Variants in HABP4 observed in about 807,000 individuals in gnomAD.
HABP4 encodes intracellular hyaluronan-binding protein 4.
Under a neutral mutation model 44.1 loss-of-function variants are expected in HABP4, and 32 were observed. The ratio of observed to expected loss-of-function variants is 0.73; its 90% CI spans 0.55 to 0.97. The LOEUF (loss-of-function observed/expected upper bound fraction) is 0.97. HABP4 is among the 50% of genes least tolerant of loss of function. The pLI is 0.00. For missense variants in HABP4, 503 were observed against 561.9 expected (o/e 0.90, Z 1.06); for synonymous variants, 216 against 218.0 (o/e 0.99, Z 0.08).
intron 5 of HABP4, among the ~76,000 whole-genome samples, chr9:96,477,826 A>G (rs1832806019): frequency 6.6e-6 from 1 of 152,182 alleles, no homozygotes; most frequent in Non-Finnish European, 1.5e-5. Context: ...CCATCGCCCC[A>G]CAAAGTTTCC....
chr9:96,458,496 C>T lies in HABP4; in HGVS notation c.467C>T (p.Thr156Ile), dbSNP rs1832440844. 1.2e-6 allele frequency: 2 copies of T among 1,613,212 alleles called. No individual in the cohort carries two copies. Among genetic ancestry groups the T allele is most frequent in the South Asian group, 2.2e-5 (2 of 91,066 alleles). Residue 156 changes from threonine to isoleucine, a missense_variant, in exon 2 of 8, where the codon ACA (threonine) becomes ATA (isoleucine). By Grantham distance (89) the Thr-to-Ile change is moderately conservative. Around this residue, in one of 3 missense-constraint regions of HABP4, gnomAD observed 290 missense variants for 300.5 expected, o/e 0.97. Transcript: ENST00000375249. ...TACAGGGAATACCGACCCTATGAGA[C>T]AGAGAGGCAGGCAGACTTCACAGCT... ...RSYREYRPYE[T>I]ERQADFTAEK...
chr9:96,474,228 CAGTT>C (rs1487660313), intron 5 of HABP4, among the ~76,000 whole-genome samples: 1 of 152,084 alleles, frequency 6.6e-6, no homozygotes, highest in Non-Finnish European at 1.5e-5. Flanking sequence ...ATAGGAGTAA[CAGTT>C]AATATGAATA....
At chr9:96,489,581 T>G (rs991705941) in intron 7 of HABP4, among the ~76,000 whole-genome samples, 4 of 152,220 alleles carry the variant, frequency 2.6e-5, no homozygotes, top group African/African-American at 9.6e-5. Flanking sequence ...CTGTGGCCCC[T>G]CCTTCCCAGG....
At chr9:96,455,501 C>T (rs1007023779) in intron 1 of HABP4, among the ~76,000 whole-genome samples, 15 of 146,290 alleles carry the variant, frequency 1.0e-4, no homozygotes, top group African/African-American at 3.8e-4. Context: ...CAGTGACTCA[C>T]ACCTGTAATC....
intron 4 of HABP4, among the ~76,000 whole-genome samples, chr9:96,468,384 C>A (rs538360138): frequency 1.3e-5 from 2 of 151,496 alleles, no homozygotes; most frequent in Non-Finnish European, 2.9e-5. Context: ...CAGCTTCCCC[C>A]GCAGCTGGGA....
intron 1 of HABP4, chr9:96,451,517 G>GT (rs2131106202): frequency 1.0e-6 from 1 of 972,880 alleles, no homozygotes; most frequent in East Asian, 1.1e-4. Context: ...AGATGTGTAG[G>GT]TTGACCATTC....
At chr9:96,465,864 G>A (rs1832592072) in intron 4 of HABP4, 86 bp downstream of exon 4, 2 of 772,422 alleles carry the variant, frequency 2.6e-6, no homozygotes. Flanking sequence ...GATGTCTTCT[G>A]TATTGTGCTT....
rs1833092192 is a variant in HABP4, at chr9:96,491,310, C to CAAAT, written c.*1276_*1279dup. On this transcript the variant is annotated 3_prime_UTR_variant, in exon 8 of 8. Transcript: ENST00000375249. ...GTGGCTTTGAACTGGAACCCAAGTG[C>CAAAT]AAATAAAGGTTGGTATTCGCTCCTG... 1 of 152,162 alleles carries CAAAT rather than the reference C, an allele frequency of 6.6e-6. No individual in the cohort carries two copies. Among genetic ancestry groups the CAAAT allele is most frequent in the Admixed American group, 6.5e-5 (1 of 15,276 alleles). 9.4% of individuals were successfully genotyped at this position (152,162 alleles called of 1,614,324 possible).
chr9:96,456,798 T>A (rs1434472598), intron 1 of HABP4, among the ~76,000 whole-genome samples: 1,461 of 104,438 alleles, frequency 0.014, 39 homozygotes, highest in African/African-American at 0.039. Flanking sequence ...TATATATATA[T>A]ATATATATAT....
intron 2 of HABP4, among the ~76,000 whole-genome samples, chr9:96,464,224 G>T (rs1048867096): frequency 2.6e-5 from 4 of 152,192 alleles, no homozygotes; most frequent in African/African-American, 9.6e-5. Flanking sequence ...ATGTCCGGGT[G>T]GAGATGTCTA....
chr9:96,487,681 A>G (rs568062757), intron 6 of HABP4, among the ~76,000 whole-genome samples: 1 of 145,262 alleles, frequency 6.9e-6, no homozygotes, highest in Admixed American at 6.7e-5. Flanking sequence ...ACAGAAAATA[A>G]GCAGAAATGA....
chr9:96,456,258 C>G (rs1238700691), intron 1 of HABP4, among the ~76,000 whole-genome samples: 4 of 151,940 alleles, frequency 2.6e-5, no homozygotes, highest in Non-Finnish European at 5.9e-5. Flanking sequence ...GAAAAAAATA[C>G]TTTAACAAGG....
intron 1 of HABP4, among the ~76,000 whole-genome samples, chr9:96,456,248 GA>G (rs1832373376): frequency 6.6e-6 from 1 of 151,824 alleles, no homozygotes; most frequent in African/African-American, 2.4e-5. Context: ...TTTCACACTT[GA>G]AAAAAATACT....
At chr9:96,454,890 G>A (rs1832347847) in intron 1 of HABP4, among the ~76,000 whole-genome samples, 1 of 152,220 alleles carries the variant, frequency 6.6e-6, no homozygotes, top group Non-Finnish European at 1.5e-5. Context: ...TAGGCGGGAG[G>A]ATCACTCGAG....
rs200444494 is a variant in HABP4, at chr9:96,458,519, G to A, written c.490G>A (p.Ala164Thr). 6.2e-7 allele frequency: 1 copy of A among 1,613,370 alleles called. No homozygotes were observed. The highest frequency in any genetic ancestry group is 1.7e-5 in the Admixed American group (1 of 59,992). Residue 164 changes from alanine (A) to threonine (T), a missense_variant, in exon 2 of 8, where the codon GCT becomes ACT. Physicochemically the swap from Ala to Thr is moderately conservative, Grantham distance 58 (BLOSUM62 0). This residue lies in a region of HABP4 where 290 missense variants were observed against 300.5 expected (regional missense o/e 0.97). Coordinates refer to ENST00000375249, the MANE Select transcript of HABP4 (RefSeq NM_014282.4). Reference sequence around the variant, plus strand: ...GACAGAGAGGCAGGCAGACTTCACAGCTGAGAAGTTTCCAGATGAAAAGTA... The same window carrying A: ...GACAGAGAGGCAGGCAGACTTCACAACTGAGAAGTTTCCAGATGAAAAGTA... ...YETERQADFT[A>T]EKFPDEKPGD... is the part of the protein sequence containing the mutation.
At position 96,451,744 on chromosome 9, in the gene HABP4, A is replaced by T. The variant is rs190895440; in HGVS notation, c.349+1116A>T. Among the ~76,000 whole-genome samples, 53 of 152,338 alleles carry T rather than the reference A, an allele frequency of 3.5e-4. No individual in the cohort carries two copies. The East Asian group carries it at 6.2e-3, about 18-fold the overall frequency. ...AATAAAGATGTTGAAAATGATTTTT[A>T]AAAAAATGTTATTTACTATCTCACG... On this transcript the variant is annotated intron_variant, in intron 1 of 7. Transcript: ENST00000375249.
intron 5 of HABP4, among the ~76,000 whole-genome samples, chr9:96,477,910 AG>A (rs1396513552): frequency 6.6e-6 from 1 of 152,148 alleles, no homozygotes; most frequent in Non-Finnish European, 1.5e-5. Context: ...CTGTCACTAC[AG>A]ATTAGTTTGC....
At chr9:96,475,485 T>C (rs1832772271) in intron 5 of HABP4, among the ~76,000 whole-genome samples, 1 of 152,160 alleles carries the variant, frequency 6.6e-6, no homozygotes. Flanking sequence ...CTTAATTCAT[T>C]CAGTTCTTTG....
At chr9:96,450,160 G>C, upstream of HABP4, 1 of 1,029,180 alleles carries the variant, frequency 9.7e-7, no homozygotes, top group Non-Finnish European at 1.2e-6. This position sits in a 1 kb window ranked among gnomAD's most constrained non-coding sequence, Gnocchi z 4.8. Flanking sequence ...GGTAGGGGCC[G>C]GACAGGGTAG....
Sources: gnomAD v4.1 joint callset for allele counts (sites outside exome capture counted in the v4.1 genomes callset) on GRCh38, gnomAD v4.1.1 for gene constraint, gnomAD v4.1.1 regional missense constraint, Gnocchi (gnomAD v3.1) non-coding constraint, MANE v1.5 for transcripts, NCBI Gene and HGNC (gene_info 2026-07-23, HGNC 2026-07-21) for gene names.